MOGAT1: variants seen among roughly 807,000 people sequenced by gnomAD.
MOGAT1 encodes the protein 2-acylglycerol O-acyltransferase 1.
Under a neutral mutation model 31.4 loss-of-function variants are expected in MOGAT1, and 32 were observed. The ratio of observed to expected loss-of-function variants is 1.02; its 90% CI spans 0.77 to 1.37. MOGAT1 has a LOEUF of 1.37. Among genes scored for constraint, MOGAT1 ranks in the 40% most tolerant of loss-of-function variants. The probability of loss-of-function intolerance (pLI) is 0.00; values close to 1 mark genes in which losing one functional copy is unlikely to be tolerated. For synonymous variants in MOGAT1, 145 were observed against 144.5 expected (o/e 1.00, Z -0.03); for missense variants, 426 against 402.0 (o/e 1.06, Z -0.51).
At chr2:222,683,737 G>T (rs968599738) in intron 1 of MOGAT1, among the ~76,000 whole-genome samples, 3 of 151,878 alleles carry the variant, frequency 2.0e-5, no homozygotes, top group Non-Finnish European at 4.4e-5. Context: ...AAAAAAAAAA[G>T]TGAGTGAGGG....
At chr2:222,702,615 C>CT (rs537007712) in intron 5 of MOGAT1, among the ~76,000 whole-genome samples, 6 of 150,854 alleles carry the variant, frequency 4.0e-5, no homozygotes, top group South Asian at 2.1e-4. Flanking sequence ...GAAGGTTTGA[C>CT]TTTTTTTTTC....
chr2:222,672,679 A>C (rs2106028882), intron 1 of MOGAT1, among the ~76,000 whole-genome samples: 1 of 152,194 alleles, frequency 6.6e-6, no homozygotes, highest in Non-Finnish European at 1.5e-5. Flanking sequence ...CTGAAGACTA[A>C]GATCATGTGT....
intron 1 of MOGAT1, among the ~76,000 whole-genome samples, chr2:222,685,492 T>C (rs544925266): frequency 6.6e-6 from 1 of 152,100 alleles, no homozygotes; most frequent in Non-Finnish European, 1.5e-5. Context: ...TTAACTATTA[T>C]ACATGCAAAA....
intron 3 of MOGAT1, among the ~76,000 whole-genome samples, chr2:222,690,203 G>A (rs1692736174): frequency 6.6e-6 from 1 of 152,110 alleles, no homozygotes; most frequent in Non-Finnish European, 1.5e-5. Context: ...TGCAGTGACC[G>A]GAGATGGTGC....
Position 222,698,001 on chromosome 2 carries a change from C to T in MOGAT1, c.853+2713C>T, listed in dbSNP as rs535019999. 1.4e-4 allele frequency among the ~76,000 whole-genome samples: 22 copies of T among 152,128 alleles called. No homozygotes were observed. In the South Asian group the frequency reaches 3.1e-3, roughly 22 times the overall value. ...TCACGCTCATGAACTACAGAAGGACCGAATTATCAGACTCTTAATGGACAC... is the reference window on the plus strand; with the variant it reads ...TCACGCTCATGAACTACAGAAGGACTGAATTATCAGACTCTTAATGGACAC... On this transcript the variant is annotated intron_variant, in intron 5 of 5. Transcript: ENST00000446656.
chr2:222,685,360 G>A (rs1381121288), intron 1 of MOGAT1, among the ~76,000 whole-genome samples: 1 of 152,102 alleles, frequency 6.6e-6, no homozygotes, highest in Non-Finnish European at 1.5e-5. Flanking sequence ...GGAAACAGGA[G>A]CTGTCATAAG....
intron 1 of MOGAT1, among the ~76,000 whole-genome samples, chr2:222,687,408 T>G (rs1158319960): frequency 6.6e-6 from 1 of 152,148 alleles, no homozygotes; most frequent in African/African-American, 2.4e-5. Context: ...TAGCTGACAT[T>G]TAGTGAAGAT....
chr2:222,703,953 G>T (rs1692966904), intron 5 of MOGAT1, among the ~76,000 whole-genome samples: 1 of 152,010 alleles, frequency 6.6e-6, no homozygotes, highest in African/African-American at 2.4e-5. Context: ...CTTAGGTACA[G>T]CATAGCACCG....
intron 5 of MOGAT1, among the ~76,000 whole-genome samples, chr2:222,696,386 T>C (rs1016599811): frequency 6.6e-6 from 1 of 152,244 alleles, no homozygotes; most frequent in Non-Finnish European, 1.5e-5. Context: ...CTACCAGCAG[T>C]GTGAAAGTGT....
intron 1 of MOGAT1, among the ~76,000 whole-genome samples, chr2:222,679,033 A>G (rs929041375): frequency 1.3e-5 from 2 of 152,200 alleles, no homozygotes; most frequent in African/African-American, 2.4e-5. Context: ...TAGGTTTTCC[A>G]TATAGATCTA....
chr2:222,684,710 G>A (rs1297828038), intron 1 of MOGAT1, among the ~76,000 whole-genome samples: 2 of 151,978 alleles, frequency 1.3e-5, no homozygotes, highest in African/African-American at 2.4e-5. Context: ...CCAAGTAGCT[G>A]GGATTACAGG....
rs145402071 is a variant in MOGAT1, at chr2:222,696,994, T to C, written c.853+1706T>C. Among the ~76,000 whole-genome samples, 379 of 152,200 alleles carry C rather than the reference T, an allele frequency of 2.5e-3. 2 individuals are homozygous for C. Among genetic ancestry groups the C allele is most frequent in the African/African-American group, 8.3e-3 (345 of 41,526 alleles). ...GTTGGAGGTTGGAGTGAGCTATGAT[T>C]GTGCCATGACACTATAGCCTGGGTG... On this transcript the variant is annotated intron_variant, in intron 5 of 5. Coordinates refer to ENST00000446656, the MANE Select transcript of MOGAT1 (RefSeq NM_058165.3).
chr2:222,706,398 G>C (rs373961547), intron 5 of MOGAT1, among the ~76,000 whole-genome samples: 25 of 151,688 alleles, frequency 1.6e-4, no homozygotes, highest in Admixed American at 2.0e-4. Flanking sequence ...GCTTGAACCT[G>C]GGGGGCAGAG....
rs187006075 is a variant in MOGAT1 at position 222,695,783 on chromosome 2, A to T, written c.853+495A>T. Among the ~76,000 whole-genome samples, 4 of 151,596 alleles carry T rather than the reference A, an allele frequency of 2.6e-5. No homozygotes were observed. In the East Asian group the frequency reaches 7.8e-4, roughly 29 times the overall value. The stretch of plus-strand genomic sequence containing the variant: ...AGACTTATTTTTTTTTTATTTCAGT[A>T]GGTTTTTGGGGAACAGGTGGTGTTT... On this transcript the variant is annotated intron_variant, in intron 5 of 5. Coordinates refer to ENST00000446656, the MANE Select transcript of MOGAT1 (RefSeq NM_058165.3).
chr2:222,684,613 G>C (rs1221710389), intron 1 of MOGAT1, among the ~76,000 whole-genome samples: 2 of 151,938 alleles, frequency 1.3e-5, no homozygotes, highest in African/African-American at 4.8e-5. Context: ...GTCTTGCCCT[G>C]TCACCCGGGC....
At chr2:222,695,943 G>T (rs1692831236) in intron 5 of MOGAT1, among the ~76,000 whole-genome samples, 1 of 152,096 alleles carries the variant, frequency 6.6e-6, no homozygotes, top group Non-Finnish European at 1.5e-5. Flanking sequence ...AGTCCCCAAA[G>T]TCCATTGCAT....
intron 1 of MOGAT1, among the ~76,000 whole-genome samples, chr2:222,681,587 A>G (rs1692581540): frequency 6.6e-6 from 1 of 152,170 alleles, no homozygotes; most frequent in Non-Finnish European, 1.5e-5. Context: ...TCATTTAGGC[A>G]TGATCAGTTA....
At chr2:222,706,627 C>T (rs1206048312) in intron 5 of MOGAT1, among the ~76,000 whole-genome samples, 1 of 152,152 alleles carries the variant, frequency 6.6e-6, no homozygotes, top group Admixed American at 6.5e-5. Context: ...TCAGAATGTA[C>T]GAGTACTAGC....
At chr2:222,672,435 C>T (rs1031703085) in intron 1 of MOGAT1, among the ~76,000 whole-genome samples, 4 of 152,068 alleles carry the variant, frequency 2.6e-5, no homozygotes, top group African/African-American at 9.7e-5. Context: ...TTTGGTTGAG[C>T]GGTTTCTCTC....
Sources: gnomAD v4.1 joint callset for allele counts (sites outside exome capture counted in the v4.1 genomes callset) on GRCh38, gnomAD v4.1.1 for gene constraint, MANE v1.5 for transcripts, NCBI Gene and HGNC (gene_info 2026-07-23, HGNC 2026-07-21) for gene names.